The following PLXNA2 variants were observed in gnomAD, a reference collection of about 807,000 sequenced individuals.
PLXNA2 encodes plexin A2.
Under a neutral mutation model 193.5 loss-of-function variants are expected in PLXNA2, and 91 were observed. That is an observed-to-expected ratio of 0.47 (90% CI 0.40 to 0.56). PLXNA2 has a LOEUF of 0.56. Ranked by LOEUF, PLXNA2 falls within the 20% of genes least tolerant of loss-of-function variation. The probability of loss-of-function intolerance (pLI) is 0.00; values close to 1 mark genes in which losing one functional copy is unlikely to be tolerated. For missense variants in PLXNA2, 1,995 were observed against 2,503.2 expected (o/e 0.80, Z 4.33); for synonymous variants, 997 against 1,027.3 (o/e 0.97, Z 0.56).
intron 1 of PLXNA2, among the ~76,000 whole-genome samples, chr1:208,225,975 A>G (rs1314680112): frequency 6.6e-6 from 1 of 152,210 alleles, no homozygotes; most frequent in Non-Finnish European, 1.5e-5. Flanking sequence ...AGGGAGGAGA[A>G]AGGCACTCAA....
rs756284848 is a variant in PLXNA2, at chr1:208,217,830, T to TG, written c.92dup (p.Ala32SerfsTer13). On this transcript the variant is annotated frameshift_variant, in exon 2 of 32. Transcript: ENST00000367033. LOFTEE classifies it high-confidence loss of function. This position sits in a 1 kb window ranked among gnomAD's most constrained non-coding sequence, Gnocchi z 4.7. ...TGCTGAACTGAGGCATGCCGGCTGC[T>TG]GGGGGGGCCAGCAGCACCCAGACCA... 10 of 1,613,700 alleles carry TG rather than the reference T, an allele frequency of 6.2e-6. No homozygotes were observed. The highest frequency in any genetic ancestry group is 1.7e-5 in the Admixed American group (1 of 59,992).
At chr1:208,213,910 A>G (rs1671043365) in intron 2 of PLXNA2, among the ~76,000 whole-genome samples, 2 of 152,232 alleles carry the variant, frequency 1.3e-5, no homozygotes, top group Non-Finnish European at 2.9e-5. Context: ...TAACTAGCCC[A>G]GGCTTGTCCC....
At chr1:208,147,951 A>G (rs1668649157) in intron 3 of PLXNA2, among the ~76,000 whole-genome samples, 1 of 152,208 alleles carries the variant, frequency 6.6e-6, no homozygotes, top group African/African-American at 2.4e-5. Context: ...TCAGTTTATC[A>G]GGGCTGGCTT....
chr1:208,055,056 G>A (rs534699583), intron 13 of PLXNA2, among the ~76,000 whole-genome samples: 16 of 152,322 alleles, frequency 1.1e-4, no homozygotes, highest in East Asian at 1.9e-4. Context: ...TGGTGAGATA[G>A]TGAGAGCTCA....
At chr1:208,159,038 C>A (rs1156867473) in intron 3 of PLXNA2, among the ~76,000 whole-genome samples, 3 of 152,200 alleles carry the variant, frequency 2.0e-5, no homozygotes, top group African/African-American at 7.2e-5. Context: ...CATCTACCCC[C>A]ACAGGCTAGC....
Position 208,233,327 on chromosome 1 carries a change from C to T in PLXNA2, c.-81+10316G>A, listed in dbSNP as rs537985177. On this transcript the variant is annotated intron_variant, in intron 1 of 31. Transcript: ENST00000367033. ...CAACTTTAAAATTTCTTGCAAGGAACGTATCTTTTTTTCTTCTCCCAGGTG... is the reference window on the plus strand; with the variant it reads ...CAACTTTAAAATTTCTTGCAAGGAATGTATCTTTTTTTCTTCTCCCAGGTG... 8.7e-4 allele frequency among the ~76,000 whole-genome samples: 133 copies of T among 152,210 alleles called. 1 individual carries two copies. Among genetic ancestry groups the T allele is most frequent in the South Asian group, 1.7e-3 (8 of 4,812 alleles).
intron 1 of PLXNA2, among the ~76,000 whole-genome samples, chr1:208,229,693 T>C (rs1282706670): frequency 6.6e-6 from 1 of 152,236 alleles, no homozygotes; most frequent in Admixed American, 6.5e-5. Flanking sequence ...GCTCTGTCTT[T>C]GAAGAATGTA....
chr1:208,103,320 G>C, intron 4 of PLXNA2, 73 bp from the exon 5 acceptor site: 1 of 1,178,730 alleles, frequency 8.5e-7, no homozygotes, highest in South Asian at 1.4e-5. Context: ...ACACAGTCCT[G>C]TGTGTACTCA....
At chr1:208,160,681 T>C (rs563931419) in intron 3 of PLXNA2, among the ~76,000 whole-genome samples, 2 of 152,368 alleles carry the variant, frequency 1.3e-5, no homozygotes, top group African/African-American at 4.8e-5. Context: ...ATAAACATTT[T>C]TGAGGACCTG....
chr1:208,083,220 A>G (rs1666403879), intron 10 of PLXNA2, among the ~76,000 whole-genome samples: 1 of 152,202 alleles, frequency 6.6e-6, no homozygotes. Context: ...TTCCGGGCAC[A>G]GATCTCATCA....
At chr1:208,139,280 G>A (rs977931538) in intron 4 of PLXNA2, among the ~76,000 whole-genome samples, 1 of 152,162 alleles carries the variant, frequency 6.6e-6, no homozygotes, top group African/African-American at 2.4e-5. Context: ...TGAGGGCCCA[G>A]GTTACCCTTG....
In PLXNA2 at chr1:208,031,576, C is replaced by T; in HGVS notation, c.5225+14G>A. On this transcript the variant is annotated intron_variant, in intron 29 of 31. Coordinates refer to ENST00000367033, the MANE Select transcript of PLXNA2 (RefSeq NM_025179.4). The stretch of plus-strand genomic sequence containing the variant: ...TCCAGGCTGCACCTCCTGCTGAGCT[C>T]CCCGAGGGTTTACCAGTTGCTTTTC... 1 of 1,614,000 alleles carries T rather than the reference C, an allele frequency of 6.2e-7. No homozygotes were observed. The highest frequency in any genetic ancestry group is 8.5e-7 in the Non-Finnish European group (1 of 1,179,954).
At chr1:208,168,539 A>T (rs929959248) in intron 3 of PLXNA2, among the ~76,000 whole-genome samples, 1 of 152,056 alleles carries the variant, frequency 6.6e-6, no homozygotes, top group Non-Finnish European at 1.5e-5. Context: ...TATTGCCCCC[A>T]CTTTGCAGAA....
intron 4 of PLXNA2, among the ~76,000 whole-genome samples, chr1:208,132,597 A>C (rs2102468751): frequency 6.6e-6 from 1 of 152,334 alleles, no homozygotes; most frequent in Non-Finnish European, 1.5e-5. Context: ...AACACGGCAA[A>C]AATATTAGTT....
intron 4 of PLXNA2, among the ~76,000 whole-genome samples, chr1:208,115,673 T>C (rs1667614340): frequency 6.6e-6 from 1 of 152,152 alleles, no homozygotes; most frequent in Admixed American, 6.5e-5. Context: ...GTGTAGACAT[T>C]AAGTTCACAG....
chr1:208,130,002 G>C (rs1023333179), intron 4 of PLXNA2, among the ~76,000 whole-genome samples: 1 of 152,176 alleles, frequency 6.6e-6, no homozygotes, highest in Non-Finnish European at 1.5e-5. Context: ...AACCCAGACT[G>C]TTTGCTAAGT....
chr1:208,214,526 A>G (rs1160456749), intron 2 of PLXNA2, among the ~76,000 whole-genome samples: 2 of 152,202 alleles, frequency 1.3e-5, no homozygotes, highest in African/African-American at 4.8e-5. Flanking sequence ...CCTTGGAATG[A>G]TGTTTTCTTG....
chr1:208,143,552 AT>A (rs1163690341), intron 3 of PLXNA2, among the ~76,000 whole-genome samples: 2 of 152,168 alleles, frequency 1.3e-5, no homozygotes, highest in African/African-American at 4.8e-5. Flanking sequence ...AATGTGCCCC[AT>A]CCCCAGTTTT....
intron 9 of PLXNA2, 33 bp from the exon 10 acceptor site, chr1:208,084,613 C>A: frequency 1.2e-6 from 2 of 1,601,320 alleles, no homozygotes; most frequent in Non-Finnish European, 1.7e-6. Context: ...TCCATCTGTC[C>A]CCTGTTCATG....
Sources: gnomAD v4.1 joint callset for allele counts (sites outside exome capture counted in the v4.1 genomes callset) on GRCh38, gnomAD v4.1.1 for gene constraint, Gnocchi (gnomAD v3.1) non-coding constraint, MANE v1.5 for transcripts, NCBI Gene and HGNC (gene_info 2026-07-23, HGNC 2026-07-21) for gene names.